PGBD2: variants seen among roughly 807,000 people sequenced by gnomAD.
The protein encoded by PGBD2 is piggyBac transposable element-derived protein 2.
PGBD2 carries 6 observed loss-of-function variants against 8.1 expected under a neutral mutation model. The observed-to-expected ratio is 0.74, with a 90% CI of 0.40 to 1.46. The LOEUF (loss-of-function observed/expected upper bound fraction) is 1.46. Among genes scored for constraint, PGBD2 ranks in the 40% most tolerant of loss-of-function variants. The pLI is 0.02. For synonymous variants in PGBD2, 318 were observed against 272.2 expected, an observed-to-expected ratio of 1.17 and a Z score of -1.66; for missense variants, 802 against 739.0, an observed-to-expected ratio of 1.09 and a Z score of -0.99.
chr1:248,922,654 T>C (rs1558292806), downstream of PGBD2, among the ~76,000 whole-genome samples: 1 of 152,084 alleles, frequency 6.6e-6, no homozygotes, highest in African/African-American at 2.4e-5. Context: ...TTATTGAGAG[T>C]TTTTAGCATG....
At chr1:248,883,617 T>C in the PGBD2 span, among the ~76,000 whole-genome samples, 1 of 139,688 alleles carries the variant, frequency 7.2e-6, no homozygotes, top group South Asian at 2.4e-4. Context: ...AGACAGAGTC[T>C]TGCTCCTGTC....
downstream of PGBD2, among the ~76,000 whole-genome samples, chr1:248,922,757 G>A (rs138249914): frequency 5.0e-3 from 764 of 152,250 alleles, 4 homozygotes; most frequent in Middle Eastern, 0.017. Flanking sequence ...GGTGGATTAC[G>A]TTTATTGATT....
At chr1:248,895,341 T>C in the PGBD2 span, among the ~76,000 whole-genome samples, 3 of 152,128 alleles carry the variant, frequency 2.0e-5, no homozygotes, top group Admixed American at 2.0e-4. Flanking sequence ...GTGGCTATAC[T>C]GCCAGCCCAA....
the PGBD2 span, among the ~76,000 whole-genome samples, chr1:248,891,540 T>C: frequency 6.6e-6 from 1 of 152,174 alleles, no homozygotes. Context: ...TTTTAAGAAA[T>C]ATTTTTGGGC....
rs2103110724 is a variant in PGBD2 at position 248,913,190 on chromosome 1, CCA to C, written c.-47-625_-47-624del. ...CCATCTCATCTTCCACTTCCTCACT[CCA>C]GTTTCCCTCCCTCCCCTGTGGGTAC... On this transcript the variant is annotated intron_variant, in intron 1 of 2. Transcript: ENST00000329291. Among the ~76,000 whole-genome samples the C allele has an allele frequency of 2.0e-5, 3 of 152,246 alleles. No homozygotes were observed. In the South Asian group the frequency reaches 6.2e-4, roughly 32 times the overall value.
At chr1:248,930,007 GC>G in the PGBD2 span, among the ~76,000 whole-genome samples, 1 of 152,210 alleles carries the variant, frequency 6.6e-6, no homozygotes, top group Non-Finnish European at 1.5e-5. Flanking sequence ...GGGAGATGTG[GC>G]TGCAGGCCAT....
chr1:248,911,790 C>T (rs955581127), intron 1 of PGBD2, among the ~76,000 whole-genome samples: 4 of 148,900 alleles, frequency 2.7e-5, no homozygotes, highest in Admixed American at 6.7e-5. Context: ...GCTGGCCGGG[C>T]GCTCCCCCAG....
At chr1:248,921,897 A>G (rs1662293393), downstream of PGBD2, among the ~76,000 whole-genome samples, 1 of 152,044 alleles carries the variant, frequency 6.6e-6, no homozygotes, top group African/African-American at 2.4e-5. Context: ...GTTTGTAGCA[A>G]TTGCGAATGG....
chr1:248,914,607 G>A, intron 2 of PGBD2: 2 of 1,288,352 alleles, frequency 1.6e-6, no homozygotes, highest in African/African-American at 1.5e-5. Flanking sequence ...CCTTCTGTTG[G>A]GATGGAGGGT....
upstream of PGBD2, among the ~76,000 whole-genome samples, chr1:248,904,105 A>C (rs921038051): frequency 6.6e-6 from 1 of 151,962 alleles, no homozygotes; most frequent in Admixed American, 6.6e-5. Flanking sequence ...TCCCTAAAGC[A>C]AGATAGTATC....
At chr1:248,874,320 G>C in the PGBD2 span, among the ~76,000 whole-genome samples, 2 of 152,222 alleles carry the variant, frequency 1.3e-5, no homozygotes, top group Non-Finnish European at 2.9e-5. Flanking sequence ...GGTCAGGAAA[G>C]TAAGCCGTTT....
upstream of PGBD2, among the ~76,000 whole-genome samples, chr1:248,904,752 A>G (rs1192350666): frequency 6.6e-6 from 1 of 152,174 alleles, no homozygotes; most frequent in African/African-American, 2.4e-5. Context: ...CTCAAATACA[A>G]CCTTCTCACT....
rs911874687 is a variant in PGBD2, at chr1:248,919,135, T to C, written c.*772T>C. On this transcript the variant is annotated 3_prime_UTR_variant, in exon 3 of 3. Coordinates refer to ENST00000329291, the MANE Select transcript of PGBD2 (RefSeq NM_170725.3). ...TATTTTAAAATGTGCAATTAAATTA[T>C]TTTTAACTATATTCACCCTGTTGTG... 4.8e-5 allele frequency: 8 copies of C among 167,020 alleles called. No homozygotes were observed. The highest frequency in any genetic ancestry group is 1.9e-4 in the African/African-American group (8 of 41,442). 10.3% of individuals were successfully genotyped at this position (167,020 alleles called of 1,614,324 possible).
At chr1:248,878,032 A>G in the PGBD2 span, among the ~76,000 whole-genome samples, 1 of 152,170 alleles carries the variant, frequency 6.6e-6, no homozygotes, top group African/African-American at 2.4e-5. Flanking sequence ...AAGGCTGGAG[A>G]TTGGGGTAAT....
At chr1:248,895,779 C>A in the PGBD2 span, among the ~76,000 whole-genome samples, 3 of 152,082 alleles carry the variant, frequency 2.0e-5, no homozygotes, top group African/African-American at 7.2e-5. Flanking sequence ...CTTCCGCCTC[C>A]CAGGTTCAAG....
chr1:248,905,354 G>A (rs903344634), upstream of PGBD2, among the ~76,000 whole-genome samples: 1 of 152,174 alleles, frequency 6.6e-6, no homozygotes, highest in Non-Finnish European at 1.5e-5. Context: ...GCCTTTCAGG[G>A]CAAGGCAGTT....
At chr1:248,875,842 T>A in the PGBD2 span, among the ~76,000 whole-genome samples, 7 of 152,214 alleles carry the variant, frequency 4.6e-5, no homozygotes, top group East Asian at 1.3e-3. Flanking sequence ...CTGAAATGAC[T>A]AGTTTGAAAT....
At chr1:248,890,161 A>G in the PGBD2 span, among the ~76,000 whole-genome samples, 1 of 152,076 alleles carries the variant, frequency 6.6e-6, no homozygotes, top group Non-Finnish European at 1.5e-5. Context: ...TCCCGACCTC[A>G]AGTGATCCGC....
Position 248,918,934 on chromosome 1 carries a change from A to G in PGBD2, c.*571A>G, listed in dbSNP as rs945373761. The G allele has an allele frequency of 6.0e-6, 1 of 166,832 alleles. No homozygotes were observed. The highest frequency in any genetic ancestry group is 1.5e-5 in the Non-Finnish European group (1 of 68,080). 10.3% of individuals were successfully genotyped at this position (166,832 alleles called of 1,614,324 possible). ...ATATCAATGTGAGATTCATTTTTGT[A>G]AAAAAAATTATTTTTTTAATTTTGT... On this transcript the variant is annotated 3_prime_UTR_variant, in exon 3 of 3. Transcript: ENST00000329291.
Sources: allele counts gnomAD v4.1 joint callset (sites outside exome capture counted in the v4.1 genomes callset), GRCh38; gene constraint gnomAD v4.1.1; transcripts MANE v1.5; gene names NCBI Gene and HGNC (gene_info 2026-07-23, HGNC 2026-07-21).